Variants in CPVL observed in about 807,000 individuals in gnomAD.
CPVL encodes the protein carboxypeptidase vitellogenic like, also known as probable serine carboxypeptidase CPVL.
CPVL carries 51 observed loss-of-function variants against 63.7 expected under a neutral mutation model. The ratio of observed to expected loss-of-function variants is 0.80; its 90% CI spans 0.64 to 1.01. The LOEUF (loss-of-function observed/expected upper bound fraction) is 1.01, where lower values mean the gene tolerates loss of function less well. CPVL is among the 50% of genes least tolerant of loss of function. The pLI, the probability that CPVL is intolerant of heterozygous loss-of-function variation, is 0.00. For synonymous variants in CPVL, 195 were observed against 206.0 expected (o/e 0.95, Z 0.46); for missense variants, 530 against 573.1 (o/e 0.92, Z 0.77).
At position 29,146,537 on chromosome 7, in the gene CPVL, C is replaced by G; in HGVS notation, c.-119G>C. On this transcript the variant is annotated 5_prime_UTR_variant, in exon 1 of 13. Transcript: ENST00000265394. ...GAAGTGAGGCAGCCCCACCCAGTCA[C>G]GAGGACCCTGCAGAACTCGAGCCTT... is the stretch of plus-strand genomic sequence containing the variant. The G allele has an allele frequency of 6.6e-7, 1 of 1,510,278 alleles. No individual in the cohort carries two copies. The allele number at this position is 1,510,278 out of a possible 1,614,324, so 93.6% of individuals were successfully genotyped here. A position where few individuals can be genotyped will look rare whatever the true frequency, so the allele number is the denominator to read the frequency against.
chr7:29,172,008 C>T (rs1796667823), intron 5 of CPVL, among the ~76,000 whole-genome samples: 1 of 152,128 alleles, frequency 6.6e-6, no homozygotes, highest in African/African-American at 2.4e-5. Context: ...GGGTGGTACA[C>T]AGGAGAAAAA....
chr7:29,012,088 G>A (rs1469913167), intron 12 of CPVL: 1 of 152,172 alleles, frequency 6.6e-6, no homozygotes, highest in Non-Finnish European at 1.5e-5. Context: ...CTTACTCCAG[G>A]TTAAGAATCC....
At chr7:29,084,471 GAC>G (rs952501991) in intron 7 of CPVL, among the ~76,000 whole-genome samples, 2 of 152,140 alleles carry the variant, frequency 1.3e-5, no homozygotes, top group African/African-American at 4.8e-5. Flanking sequence ...ATCCTTTCAT[GAC>G]ACTTGTCCCT....
At chr7:29,084,543 G>A (rs1453314041) in intron 7 of CPVL, among the ~76,000 whole-genome samples, 1 of 152,138 alleles carries the variant, frequency 6.6e-6, no homozygotes, top group South Asian at 2.1e-4. Context: ...CTAGAATGTA[G>A]GGCATGGATT....
downstream of CPVL, among the ~76,000 whole-genome samples, chr7:28,994,727 CACA>C (rs1376884526): frequency 1.3e-5 from 2 of 152,176 alleles, no homozygotes; most frequent in Non-Finnish European, 1.5e-5. Flanking sequence ...CGTAATCAGG[CACA>C]ACATGAGAAA....
At chr7:29,071,708 C>CTGGG in intron 9 of CPVL, 65 bp downstream of exon 9, 2 of 714,240 alleles carry the variant, frequency 2.8e-6, no homozygotes, top group Non-Finnish European at 4.8e-6. Context: ...TGTTCCTGCT[C>CTGGG]ACCCGCCCTC....
chr7:29,052,142 G>C (rs571597858), intron 11 of CPVL, among the ~76,000 whole-genome samples: 1 of 151,892 alleles, frequency 6.6e-6, no homozygotes, highest in Admixed American at 6.6e-5. Context: ...GACTTTGGGG[G>C]AAGATGGGAG....
chr7:29,101,285 A>C (rs1336258476), intron 3 of CPVL, among the ~76,000 whole-genome samples: 1 of 152,226 alleles, frequency 6.6e-6, no homozygotes, highest in Non-Finnish European at 1.5e-5. Flanking sequence ...CAAGACAATT[A>C]ATGCATTTAT....
intron 12 of CPVL, among the ~76,000 whole-genome samples, chr7:28,998,886 C>T (rs186954693): frequency 6.6e-6 from 1 of 151,974 alleles, no homozygotes; most frequent in African/African-American, 2.4e-5. Context: ...TCATAAAAAA[C>T]CTTGGTTTAA....
chr7:29,015,023 G>A (rs982376955), intron 12 of CPVL, among the ~76,000 whole-genome samples: 2 of 152,200 alleles, frequency 1.3e-5, no homozygotes, highest in African/African-American at 4.8e-5. Flanking sequence ...TCGTCCACTC[G>A]AAGGACTAGA....
At chr7:29,154,809 T>C (rs1167110112) in intron 5 of CPVL, among the ~76,000 whole-genome samples, 2 of 152,214 alleles carry the variant, frequency 1.3e-5, no homozygotes, top group Non-Finnish European at 2.9e-5. Context: ...CACTCCAGCC[T>C]GGGCGACAGA....
intron 12 of CPVL, among the ~76,000 whole-genome samples, chr7:29,016,426 G>A (rs1046532378): frequency 7.2e-5 from 11 of 152,042 alleles, no homozygotes; most frequent in Non-Finnish European, 1.5e-4. Flanking sequence ...TTTAAACCAG[G>A]TTTGTCTAAC....
intron 9 of CPVL, among the ~76,000 whole-genome samples, chr7:29,067,873 C>T (rs117402301): frequency 0.014 from 2,157 of 152,192 alleles, 25 homozygotes; most frequent in Non-Finnish European, 0.023. Flanking sequence ...GATTAGGCCA[C>T]GACTCCTGAG....
intron 12 of CPVL, chr7:28,996,169 T>A (rs1784036961): frequency 3.6e-6 from 1 of 275,148 alleles, no homozygotes; most frequent in African/African-American, 2.3e-5. Flanking sequence ...CTCTAGAGAG[T>A]GATCTGCCTG....
At chr7:29,002,866 C>CAAAAAA (rs373207674) in intron 12 of CPVL, among the ~76,000 whole-genome samples, 1 of 124,312 alleles carries the variant, frequency 8.0e-6, no homozygotes. Context: ...TATGAAAATT[C>CAAAAAA]AAAAAAAAAA....
At chr7:29,014,201 G>A (rs553570889) in intron 12 of CPVL, among the ~76,000 whole-genome samples, 16 of 152,164 alleles carry the variant, frequency 1.1e-4, no homozygotes, top group Admixed American at 7.9e-4. Context: ...GAGGAACTTT[G>A]CCCCTGTCTG....
chr7:29,003,986 C>G (rs1001505456), intron 12 of CPVL, among the ~76,000 whole-genome samples: 2 of 152,188 alleles, frequency 1.3e-5, no homozygotes, highest in Non-Finnish European at 2.9e-5. Flanking sequence ...CAAACAGTTA[C>G]CAGTCTGTGA....
chr7:29,188,058 A>G (rs1347620124), intron 1 of CPVL, among the ~76,000 whole-genome samples: 2 of 151,622 alleles, frequency 1.3e-5, no homozygotes, highest in Non-Finnish European at 2.9e-5. Context: ...GTGATGTAAC[A>G]GGGGGGTGGT....
intron 7 of CPVL, among the ~76,000 whole-genome samples, chr7:29,075,340 G>A (rs1584185353): frequency 6.6e-6 from 1 of 152,186 alleles, no homozygotes; most frequent in East Asian, 1.9e-4. Flanking sequence ...CCTACTTTAA[G>A]CCAATTTAAG....
Sources: gnomAD v4.1 joint callset for allele counts (sites outside exome capture counted in the v4.1 genomes callset) on GRCh38, gnomAD v4.1.1 for gene constraint, MANE v1.5 for transcripts, NCBI Gene and HGNC (gene_info 2026-07-23, HGNC 2026-07-21) for gene names.